The following CSMD1 variants were observed in gnomAD, a reference collection of about 807,000 sequenced individuals.
CSMD1 encodes CUB and sushi domain-containing protein 1.
CSMD1 carries 213 observed loss-of-function variants against 417.5 expected under a neutral mutation model. That is an observed-to-expected ratio of 0.51 (90% CI 0.46 to 0.57). The LOEUF (loss-of-function observed/expected upper bound fraction) is 0.57. CSMD1 is among the 20% of genes least tolerant of loss of function. The pLI, the probability that CSMD1 is intolerant of heterozygous loss-of-function variation, is 0.00. For missense variants in CSMD1, 6,923 were observed against 4,529.7 expected (o/e 1.53, Z -15.17); for synonymous variants, 2,862 against 1,736.8 (o/e 1.65, Z -16.11).
intron 1 of CSMD1, among the ~76,000 whole-genome samples, chr8:4,735,238 G>A (rs935622061): frequency 6.6e-6 from 1 of 152,120 alleles, no homozygotes; most frequent in African/African-American, 2.4e-5. Context: ...GGATACTTGA[G>A]TCATCTCAGC....
chr8:4,008,104 G>A (rs1364183368), intron 4 of CSMD1, among the ~76,000 whole-genome samples: 1 of 152,148 alleles, frequency 6.6e-6, no homozygotes, highest in Admixed American at 6.5e-5. Flanking sequence ...ACTCACCAGA[G>A]CTGCATGAAA....
chr8:4,677,398 G>A (rs962378418), intron 1 of CSMD1, among the ~76,000 whole-genome samples: 1 of 151,944 alleles, frequency 6.6e-6, no homozygotes, highest in Non-Finnish European at 1.5e-5. Flanking sequence ...TAAGGCATTT[G>A]AATTAGAGAC....
At position 3,307,685 on chromosome 8, in the gene CSMD1, A is replaced by G. The variant is rs10103770; in HGVS notation, c.3950+10T>C. On this transcript the variant is annotated intron_variant, in intron 25 of 69. Coordinates refer to ENST00000635120, the MANE Select transcript of CSMD1 (RefSeq NM_033225.6). The stretch of plus-strand genomic sequence containing the variant: ...TTCTCAAATCACTGAAACCAAAATA[A>G]AACAAGTACCTAATGGTCTTTCCTG... 719,571 of 1,610,114 alleles carry G rather than the reference A, an allele frequency of 0.45. 163,803 individuals are homozygous for G. Among genetic ancestry groups the G allele is most frequent in the Admixed American group, 0.6 (35,643 of 59,624 alleles).
chr8:4,918,929 G>T (rs905244271), intron 1 of CSMD1, among the ~76,000 whole-genome samples: 1 of 152,018 alleles, frequency 6.6e-6, no homozygotes, highest in Non-Finnish European at 1.5e-5. Flanking sequence ...AATTCTGGGG[G>T]GTGTATGTAT....
intron 54 of CSMD1, among the ~76,000 whole-genome samples, chr8:2,981,701 G>A (rs1403009954): frequency 6.6e-6 from 1 of 152,214 alleles, no homozygotes; most frequent in African/African-American, 2.4e-5. Flanking sequence ...CCAGCAGGGA[G>A]AAGTTCAAAT....
chr8:3,103,183 A>C (rs756206170), intron 46 of CSMD1, among the ~76,000 whole-genome samples: 3 of 152,240 alleles, frequency 2.0e-5, no homozygotes, highest in Non-Finnish European at 4.4e-5. Flanking sequence ...AAGGAGGTAC[A>C]TAAGCTCTAA....
chr8:4,361,510 C>A (rs986262840), intron 3 of CSMD1, among the ~76,000 whole-genome samples: 2 of 152,100 alleles, frequency 1.3e-5, no homozygotes, highest in Admixed American at 1.3e-4. Context: ...AAGACGGAGG[C>A]CTGCAAGATC....
chr8:3,158,936 C>A (rs1400605489), intron 38 of CSMD1, among the ~76,000 whole-genome samples: 3 of 152,180 alleles, frequency 2.0e-5, no homozygotes, highest in African/African-American at 7.2e-5. Context: ...CAATGGCAAA[C>A]CGATTCCCTA....
chr8:3,436,365 T>G (rs987686046), intron 12 of CSMD1, among the ~76,000 whole-genome samples: 2 of 152,224 alleles, frequency 1.3e-5, no homozygotes, highest in African/African-American at 4.8e-5. Context: ...ATTATTGTTA[T>G]TATTTTCACT....
intron 40 of CSMD1, among the ~76,000 whole-genome samples, chr8:3,150,570 A>C (rs1819133732): frequency 6.6e-6 from 1 of 152,134 alleles, no homozygotes; most frequent in Non-Finnish European, 1.5e-5. Flanking sequence ...ATTTCTATTT[A>C]TGGTTGTATT....
chr8:3,745,530 T>G (rs1048675126), intron 6 of CSMD1, among the ~76,000 whole-genome samples: 2 of 152,208 alleles, frequency 1.3e-5, no homozygotes, highest in African/African-American at 2.4e-5. Flanking sequence ...GATCTAATCA[T>G]CACAATTTTC....
chr8:3,213,860 A>G (rs1352795462), intron 30 of CSMD1, among the ~76,000 whole-genome samples: 2 of 121,774 alleles, frequency 1.6e-5, no homozygotes, highest in African/African-American at 5.0e-5. Flanking sequence ...ACATACACAT[A>G]TATATATATA....
intron 5 of CSMD1, among the ~76,000 whole-genome samples, chr8:3,829,966 G>T (rs1243015036): frequency 1.3e-5 from 2 of 151,968 alleles, no homozygotes; most frequent in African/African-American, 4.8e-5. Context: ...TAAAAATTTT[G>T]CTCATATGTT....
intron 1 of CSMD1, among the ~76,000 whole-genome samples, chr8:4,677,131 T>C (rs1324704132): frequency 2.0e-5 from 3 of 147,836 alleles, no homozygotes; most frequent in East Asian, 2.0e-4. Flanking sequence ...ATATATATGA[T>C]ACATAAAATA....
intron 10 of CSMD1, among the ~76,000 whole-genome samples, chr8:3,515,678 C>T (rs1344439648): frequency 6.6e-6 from 1 of 152,172 alleles, no homozygotes; most frequent in African/African-American, 2.4e-5. Flanking sequence ...TGGAACAAGT[C>T]AATCATCACA....
chr8:3,712,464 C>A (rs1009505963), intron 6 of CSMD1, among the ~76,000 whole-genome samples: 1 of 151,572 alleles, frequency 6.6e-6, no homozygotes, highest in African/African-American at 2.4e-5. Flanking sequence ...GAAACTAGAG[C>A]TGCAGGAATG....
chr8:4,922,117 G>C (rs923779859), intron 1 of CSMD1, among the ~76,000 whole-genome samples: 9 of 152,152 alleles, frequency 5.9e-5, no homozygotes, highest in African/African-American at 9.7e-5. Context: ...ACTCTGGTGA[G>C]ATTACCCATT....
At chr8:3,776,563 A>C (rs1020355704) in intron 5 of CSMD1, among the ~76,000 whole-genome samples, 16 of 152,080 alleles carry the variant, frequency 1.1e-4, no homozygotes, top group African/African-American at 3.9e-4. Context: ...GATATTCTCA[A>C]AGGTGACTCA....
At chr8:4,851,423 T>C (rs968981017) in intron 1 of CSMD1, among the ~76,000 whole-genome samples, 1 of 152,144 alleles carries the variant, frequency 6.6e-6, no homozygotes, top group Non-Finnish European at 1.5e-5. Context: ...CTGCATCTTC[T>C]TCGTCAATTT....
Sources: gnomAD v4.1 joint callset for allele counts (sites outside exome capture counted in the v4.1 genomes callset) on GRCh38, gnomAD v4.1.1 for gene constraint, MANE v1.5 for transcripts, NCBI Gene and HGNC (gene_info 2026-07-23, HGNC 2026-07-21) for gene names.